ATXN2: variants seen among roughly 807,000 people sequenced by gnomAD.
ATXN2 encodes ataxin-2.
ATXN2 carries 37 observed loss-of-function variants against 138.6 expected under a neutral mutation model. That is an observed-to-expected ratio of 0.27 (90% CI 0.21 to 0.35). The LOEUF (loss-of-function observed/expected upper bound fraction) is 0.35. Among genes scored for constraint, ATXN2 ranks in the 10% least tolerant of loss-of-function variants. ATXN2 has a pLI of 1.00. For synonymous variants in ATXN2, 549 were observed against 543.7 expected (o/e 1.01, Z -0.13); for missense variants, 1,216 against 1,480.3 (o/e 0.82, Z 2.93).
intron 11 of ATXN2, 76 bp downstream of exon 11, chr12:111,513,281 G>C (rs1422672305): frequency 6.7e-7 from 1 of 1,494,990 alleles, no homozygotes; most frequent in Non-Finnish European, 9.1e-7. Flanking sequence ...TCCTCAAACA[G>C]AGTTGTAGCT....
intron 11 of ATXN2, chr12:111,511,157 C>G (rs1163271998): frequency 6.6e-6 from 1 of 152,018 alleles, no homozygotes. Context: ...AAGTATATAT[C>G]TAATAGGTTT....
chr12:111,516,258 G>T lies in ATXN2; in HGVS notation c.1271C>A (p.Pro424Gln). 2 of 1,567,036 alleles carry T rather than the reference G, an allele frequency of 1.3e-6. No homozygotes were observed. The highest frequency in any genetic ancestry group is 1.7e-6 in the Non-Finnish European group (2 of 1,162,730). Residue 424 changes from proline (P) to glutamine (Q), a missense_variant, in exon 10 of 25, where the codon CCG becomes CAG. Physicochemically the swap from Pro to Gln is moderately conservative, Grantham distance 76. Transcript: ENST00000673436. This position sits in a 1 kb window ranked among gnomAD's most constrained non-coding sequence, Gnocchi z 5.0. ...TGGCCGCGAGGGGGGCCTGGAGGGC[G>T]GCCGTGTAGGGGTGGCTGCCCGAGG... ...LPPRAATPTR[P>Q]PSRPPSRPSR...
intron 5 of ATXN2, among the ~76,000 whole-genome samples, chr12:111,528,047 T>C (rs1880598260): frequency 6.6e-6 from 1 of 152,208 alleles, no homozygotes; most frequent in Admixed American, 6.5e-5. Context: ...CGAGTCATAT[T>C]ATCTTCTGGA....
At chr12:111,510,869 G>C (rs1592848281) in intron 11 of ATXN2, 1 of 204,294 alleles carries the variant, frequency 4.9e-6, no homozygotes, top group East Asian at 1.1e-4. Flanking sequence ...TGGGATTAAA[G>C]GCACTCGCCA....
intron 1 of ATXN2, among the ~76,000 whole-genome samples, chr12:111,588,181 T>C (rs1884439311): frequency 6.7e-5 from 9 of 134,794 alleles, no homozygotes; most frequent in Admixed American, 6.4e-4. Context: ...AGCCAGATCC[T>C]ATCACAAAAA....
At position 111,509,900 on chromosome 12, in the gene ATXN2, C is replaced by G; in HGVS notation, c.1855G>C (p.Glu619Gln). The change falls in exon 13 of 25, where the codon GAA becomes CAA. Residue 619 changes from glutamate (E) to glutamine (Q), a missense_variant. Glu to Gln is a conservative substitution (Grantham distance 29, BLOSUM62 2). Around this residue, in one of 4 missense-constraint regions of ATXN2, gnomAD observed 215 missense variants for 210.0 expected, o/e 1.02. Coordinates refer to ENST00000673436, the MANE Select transcript of ATXN2 (RefSeq NM_001372574.1). ...CTCTTTAAACTCTAACCTTTGTTTT[C>G]AGCTTTTGAGAAGCTAGGTGATGTT... The part of the protein sequence containing the change: ...NETSPSFSKA[E>Q]NKGISPVVSE... 6.2e-7 allele frequency: 1 copy of G among 1,608,390 alleles called. No homozygotes were observed. The highest frequency in any genetic ancestry group is 8.5e-7 in the Non-Finnish European group (1 of 1,175,460).
chr12:111,584,409 A>AAAT (rs1216525229), intron 1 of ATXN2, among the ~76,000 whole-genome samples: 1 of 146,948 alleles, frequency 6.8e-6, no homozygotes, highest in African/African-American at 2.6e-5. Context: ...AAAAAAAAAA[A>AAAT]AATTCATTGA....
intron 21 of ATXN2, among the ~76,000 whole-genome samples, chr12:111,462,833 C>T (rs1347027727): frequency 1.3e-5 from 2 of 152,170 alleles, no homozygotes; most frequent in East Asian, 3.8e-4. Context: ...ATCTTTTACA[C>T]ACTACAATCA....
At chr12:111,477,410 A>C (rs1876900590) in intron 18 of ATXN2, among the ~76,000 whole-genome samples, 1 of 151,978 alleles carries the variant, frequency 6.6e-6, no homozygotes, top group Non-Finnish European at 1.5e-5. Flanking sequence ...TGCCAGAGAA[A>C]CCGAGTAAAT....
chr12:111,459,992 C>A (rs1207230962), intron 21 of ATXN2, among the ~76,000 whole-genome samples: 1 of 152,202 alleles, frequency 6.6e-6, no homozygotes, highest in African/African-American at 2.4e-5. Flanking sequence ...GTTGGGATTA[C>A]AGGTGTGAGC....
At chr12:111,576,952 C>T (rs563220904) in intron 1 of ATXN2, among the ~76,000 whole-genome samples, 3 of 151,532 alleles carry the variant, frequency 2.0e-5, no homozygotes, top group East Asian at 2.0e-4. Context: ...AGCGAGACTC[C>T]GTCTCCAAAA....
chr12:111,496,523 G>A (rs1248333858), intron 14 of ATXN2, among the ~76,000 whole-genome samples: 1 of 151,910 alleles, frequency 6.6e-6, no homozygotes, highest in African/African-American at 2.4e-5. Flanking sequence ...GTGACAGAGC[G>A]AGACTCCATC....
chr12:111,556,851 T>C (rs1882417242), intron 1 of ATXN2, among the ~76,000 whole-genome samples: 1 of 148,162 alleles, frequency 6.7e-6, no homozygotes, highest in Admixed American at 6.6e-5. Context: ...GGTCATATGA[T>C]TACAACTGCA....
chr12:111,559,629 A>C (rs1293009468), intron 1 of ATXN2, among the ~76,000 whole-genome samples: 1 of 151,518 alleles, frequency 6.6e-6, no homozygotes, highest in Non-Finnish European at 1.5e-5. Context: ...AAAATTAGCC[A>C]GGCGTGGTGG....
Position 111,464,247 on chromosome 12 carries a change from GGTGTGTGTGTGTGT to G in ATXN2, c.2896+401_2896+414del, listed in dbSNP as rs57717176. The stretch of plus-strand genomic sequence containing the variant: ...AGTTTATACCAAGCTTGTGGCTTGG[GGTGTGTGTGTGTGT>G]GTGTGTGTGTGTGTGTGTGTGTATA... On this transcript the variant is annotated intron_variant, in intron 21 of 24. Transcript: ENST00000673436. 2.1e-3 allele frequency among the ~76,000 whole-genome samples: 289 copies of G among 134,716 alleles called. 2 individuals are homozygous for G. The highest frequency in any genetic ancestry group is 3.6e-3 in the African/African-American group (125 of 34,734). The allele number at this position is 134,716 out of a possible 152,430, so 88.4% of individuals were successfully genotyped here.
chr12:111,594,835 T>C (rs1405283152), intron 1 of ATXN2, among the ~76,000 whole-genome samples: 1 of 152,134 alleles, frequency 6.6e-6, no homozygotes, highest in Non-Finnish European at 1.5e-5. Flanking sequence ...AACAAAGCTT[T>C]AGAACAGTTC....
At chr12:111,544,703 T>C (rs1881709346) in intron 5 of ATXN2, among the ~76,000 whole-genome samples, 1 of 151,872 alleles carries the variant, frequency 6.6e-6, no homozygotes. Flanking sequence ...AGGGAAGGAA[T>C]GATCAATAAA....
chr12:111,483,449 ACT>A (rs1232005990), intron 18 of ATXN2, among the ~76,000 whole-genome samples: 9 of 131,676 alleles, frequency 6.8e-5, no homozygotes, highest in Non-Finnish European at 1.3e-4. Flanking sequence ...CATTAAAAGA[ACT>A]CTTTTTTTTT....
intron 14 of ATXN2, among the ~76,000 whole-genome samples, chr12:111,501,700 CTACT>C (rs1378282806): frequency 5.9e-5 from 9 of 152,296 alleles, no homozygotes; most frequent in African/African-American, 1.9e-4. Context: ...TAGGAACTTA[CTACT>C]TAAACTTTCA....
Sources: allele counts gnomAD v4.1 joint callset (sites outside exome capture counted in the v4.1 genomes callset), GRCh38; gene constraint gnomAD v4.1.1; regional missense constraint gnomAD v4.1.1; non-coding constraint Gnocchi (gnomAD v3.1); transcripts MANE v1.5; gene names NCBI Gene and HGNC (gene_info 2026-07-23, HGNC 2026-07-21).